The following CDH7 variants were observed in gnomAD, a reference collection of about 807,000 sequenced individuals.
CDH7 encodes the protein cadherin-7.
Under a neutral mutation model 71.8 loss-of-function variants are expected in CDH7, and 25 were observed. The ratio of observed to expected loss-of-function variants is 0.35; its 90% CI spans 0.25 to 0.49. The LOEUF (loss-of-function observed/expected upper bound fraction) is 0.49, where lower values mean the gene tolerates loss of function less well. Ranked by LOEUF, CDH7 falls within the 20% of genes least tolerant of loss-of-function variation. The probability of loss-of-function intolerance (pLI) is 0.99; values close to 1 mark genes in which losing one functional copy is unlikely to be tolerated. For missense variants in CDH7, 862 were observed against 974.6 expected, an observed-to-expected ratio of 0.88 and a Z score of 1.54; for synonymous variants, 381 against 363.8, an observed-to-expected ratio of 1.05 and a Z score of -0.54.
chr18:65,809,560 C>A (rs536662635), intron 2 of CDH7, 144 bp from the exon 3 acceptor site: 15 of 656,396 alleles, frequency 2.3e-5, no homozygotes, highest in Non-Finnish European at 3.9e-5. Context: ...AGCCTTTCTG[C>A]TGTGCACAAT....
intron 2 of CDH7, chr18:65,803,092 C>A (rs867097570): frequency 3.9e-5 from 6 of 152,106 alleles, no homozygotes; most frequent in African/African-American, 1.4e-4. Flanking sequence ...CGTCAACATT[C>A]AAAGCCAATT....
intron 1 of CDH7, among the ~76,000 whole-genome samples, chr18:65,759,488 G>A (rs1427670236): frequency 6.6e-6 from 1 of 151,386 alleles, no homozygotes; most frequent in Non-Finnish European, 1.5e-5. Flanking sequence ...TCCTGACCTT[G>A]TGATTTTCCT....
chr18:65,857,724 A>T, intron 7 of CDH7, 92 bp from the exon 8 acceptor site: 1 of 1,223,614 alleles, frequency 8.2e-7, no homozygotes, highest in Non-Finnish European at 1.2e-6. Context: ...AGTAGGATTT[A>T]GTAATGAGCT....
At chr18:65,857,002 C>A (rs1388435420) in intron 7 of CDH7, among the ~76,000 whole-genome samples, 2 of 128,282 alleles carry the variant, frequency 1.6e-5, no homozygotes, top group East Asian at 4.8e-4. Context: ...TGGTCAAGAC[C>A]ACTGAGTAAG....
At chr18:65,766,885 TAAAAAAAAAAA>T (rs61611288) in intron 2 of CDH7, among the ~76,000 whole-genome samples, 36 of 88,620 alleles carry the variant, frequency 4.1e-4, no homozygotes, top group Admixed American at 9.1e-4. Context: ...CTGTCTGACG[TAAAAAAAAAAA>T]AAAAAAAAAA....
chr18:65,795,334 G>A (rs1910873840), intron 2 of CDH7, among the ~76,000 whole-genome samples: 1 of 152,072 alleles, frequency 6.6e-6, no homozygotes, highest in Admixed American at 6.6e-5. Flanking sequence ...TTTAGTTAAT[G>A]GAAGCAACAT....
intron 4 of CDH7, among the ~76,000 whole-genome samples, chr18:65,819,633 G>C (rs1206696557): frequency 6.6e-6 from 1 of 152,132 alleles, no homozygotes; most frequent in African/African-American, 2.4e-5. Flanking sequence ...ATCGTGAAGG[G>C]CTTTGGGAGT....
At position 65,822,065 on chromosome 18, in the gene CDH7, A is replaced by T. The variant is rs1328450682; in HGVS notation, c.626-16A>T. On this transcript the variant is annotated splice_polypyrimidine_tract_variant and intron_variant, in intron 4 of 11. Transcript: ENST00000397968. ...GTGATTCATGATGAGTTTTACTGGG[A>T]TTTGAAATTTTACAGGAGTCATCAA... The T allele has an allele frequency of 6.2e-7, 1 of 1,604,390 alleles. No individual in the cohort carries two copies. Among genetic ancestry groups the T allele is most frequent in the Non-Finnish European group, 8.5e-7 (1 of 1,171,338 alleles).
At chr18:65,811,533 C>T (rs1911534424) in intron 3 of CDH7, among the ~76,000 whole-genome samples, 1 of 152,140 alleles carries the variant, frequency 6.6e-6, no homozygotes. Flanking sequence ...TCCTCACTAC[C>T]GTCCACACCT....
chr18:65,814,459 T>G, intron 3 of CDH7, 26 bp from the exon 4 acceptor site: 1 of 1,613,720 alleles, frequency 6.2e-7, no homozygotes, highest in Non-Finnish European at 8.5e-7. Flanking sequence ...AGTTTTTAAT[T>G]CAGTGGTTTT....
At chr18:65,853,292 A>T (rs1913213510) in intron 7 of CDH7, among the ~76,000 whole-genome samples, 1 of 152,118 alleles carries the variant, frequency 6.6e-6, no homozygotes, top group African/African-American at 2.4e-5. Flanking sequence ...CCTCCAATTA[A>T]CTCAGGCAAC....
rs997559400 is a variant in CDH7 at position 65,882,170 on chromosome 18, G to T, written c.*1276G>T. ...ATTCTGATGCAAATATGTCCCTCAAGAATTAACCAAGCAATGTATGATTTC... is the reference window on the plus strand; with the variant it reads ...ATTCTGATGCAAATATGTCCCTCAATAATTAACCAAGCAATGTATGATTTC... On this transcript the variant is annotated 3_prime_UTR_variant, in exon 12 of 12. Transcript: ENST00000397968. 3.9e-5 allele frequency: 6 copies of T among 152,042 alleles called. No homozygotes were observed. Among genetic ancestry groups the T allele is most frequent in the African/African-American group, 1.2e-4 (5 of 41,416 alleles). The allele number at this position is 152,042 out of a possible 1,614,324, so 9.4% of individuals were successfully genotyped here.
chr18:65,809,197 G>A (rs529492842), intron 2 of CDH7, among the ~76,000 whole-genome samples: 10 of 152,252 alleles, frequency 6.6e-5, no homozygotes, highest in East Asian at 1.9e-4. Flanking sequence ...AGCCACACTC[G>A]TTAATCACAG....
intron 1 of CDH7, among the ~76,000 whole-genome samples, chr18:65,752,736 C>G (rs962846923): frequency 6.6e-6 from 1 of 152,126 alleles, no homozygotes; most frequent in Non-Finnish European, 1.5e-5. Context: ...TAGGTAACAT[C>G]CAACGTCAAT....
At chr18:65,843,753 G>A in intron 6 of CDH7, 59 bp from the exon 7 acceptor site, 1 of 1,419,718 alleles carries the variant, frequency 7.0e-7, no homozygotes, top group Non-Finnish European at 9.3e-7. Flanking sequence ...AAATGAAAAG[G>A]CTCTGCTTTG....
At chr18:65,852,552 G>C (rs757570602) in intron 7 of CDH7, among the ~76,000 whole-genome samples, 1 of 152,094 alleles carries the variant, frequency 6.6e-6, no homozygotes, top group Non-Finnish European at 1.5e-5. Flanking sequence ...TGAGAGAAAG[G>C]GGGAGGGCAG....
upstream of CDH7, chr18:65,750,997 C>G (rs1915856079): frequency 6.6e-6 from 1 of 152,226 alleles, no homozygotes; most frequent in Non-Finnish European, 1.5e-5. Context: ...GAGCGGGTGT[C>G]GAGCCGGTTC....
At chr18:65,823,677 C>G (rs150554958) in intron 5 of CDH7, among the ~76,000 whole-genome samples, 2 of 152,014 alleles carry the variant, frequency 1.3e-5, no homozygotes, top group East Asian at 3.9e-4. Flanking sequence ...TTCACAAAGT[C>G]TAGAAAATTG....
chr18:65,854,549 A>T (rs1330706466), intron 7 of CDH7, among the ~76,000 whole-genome samples: 1 of 152,110 alleles, frequency 6.6e-6, no homozygotes, highest in Non-Finnish European at 1.5e-5. Flanking sequence ...CTTTGAGACT[A>T]TTGATAATAG....
Sources: gnomAD v4.1 joint callset for allele counts (sites outside exome capture counted in the v4.1 genomes callset) on GRCh38, gnomAD v4.1.1 for gene constraint, MANE v1.5 for transcripts, NCBI Gene and HGNC (gene_info 2026-07-23, HGNC 2026-07-21) for gene names.